ZMAT4: variants seen among roughly 807,000 people sequenced by gnomAD.
ZMAT4 encodes zinc finger matrin-type 4.
ZMAT4 carries 17 observed loss-of-function variants against 28.7 expected under a neutral mutation model. The ratio of observed to expected loss-of-function variants is 0.59; its 90% CI spans 0.41 to 0.89. The LOEUF is 0.89. Among genes scored for constraint, ZMAT4 ranks in the 40% least tolerant of loss-of-function variants. The pLI is 0.00. For missense variants in ZMAT4, 240 were observed against 283.8 expected, an observed-to-expected ratio of 0.85 and a Z score of 1.11; for synonymous variants, 117 against 109.2, an observed-to-expected ratio of 1.07 and a Z score of -0.44.
At chr8:40,676,454 A>C (rs1808914021) in intron 4 of ZMAT4, among the ~76,000 whole-genome samples, 1 of 152,164 alleles carries the variant, frequency 6.6e-6, no homozygotes, top group Non-Finnish European at 1.5e-5. Context: ...GAGATGTAGG[A>C]TGCAGCTGGC....
intron 2 of ZMAT4, among the ~76,000 whole-genome samples, chr8:40,795,467 A>AAATTT (rs1453974586): frequency 6.6e-6 from 1 of 152,194 alleles, no homozygotes; most frequent in Non-Finnish European, 1.5e-5. Flanking sequence ...TTAAGTCCAG[A>AAATTT]ATTTACAGTT....
At chr8:40,551,820 T>C (rs989136060) in intron 6 of ZMAT4, among the ~76,000 whole-genome samples, 2 of 152,168 alleles carry the variant, frequency 1.3e-5, no homozygotes, top group East Asian at 1.9e-4. Flanking sequence ...GAAATGAAAG[T>C]TGTGGCATGA....
intron 1 of ZMAT4, among the ~76,000 whole-genome samples, chr8:40,856,957 G>A (rs1817320970): frequency 6.6e-6 from 1 of 152,160 alleles, no homozygotes; most frequent in Non-Finnish European, 1.5e-5. Flanking sequence ...GGCAAGCTCT[G>A]CTGTGAAGAA....
chr8:40,701,185 T>C (rs1810128816), intron 3 of ZMAT4, among the ~76,000 whole-genome samples: 1 of 152,238 alleles, frequency 6.6e-6, no homozygotes, highest in Non-Finnish European at 1.5e-5. Context: ...TTTTAATATA[T>C]ATTCCTAGAT....
chr8:40,565,465 C>T (rs772601149), intron 6 of ZMAT4, among the ~76,000 whole-genome samples: 3 of 149,898 alleles, frequency 2.0e-5, no homozygotes, highest in Non-Finnish European at 4.4e-5. Context: ...CAACCCCCGC[C>T]TCCCAGATTC....
At chr8:40,811,309 A>T (rs1461166740) in intron 2 of ZMAT4, among the ~76,000 whole-genome samples, 1 of 152,030 alleles carries the variant, frequency 6.6e-6, no homozygotes, top group Non-Finnish European at 1.5e-5. Context: ...CACAACTGTG[A>T]CCCCCAGACC....
chr8:40,788,248 G>A lies in ZMAT4; in HGVS notation c.103-20518C>T, dbSNP rs191066087. ...CTCTGCCAATTAATTCTACAACTTA[G>A]ATGAAATGAGCAAATTACCTGAAAA... On this transcript the variant is annotated intron_variant, in intron 2 of 6. Transcript: ENST00000297737. Among the ~76,000 whole-genome samples, 428 of 152,204 alleles carry A rather than the reference G, an allele frequency of 2.8e-3. 5 individuals are homozygous for A. The highest frequency in any genetic ancestry group is 1.3e-3 in the Non-Finnish European group (91 of 68,010).
At chr8:40,575,897 G>A (rs1228671535) in intron 6 of ZMAT4, among the ~76,000 whole-genome samples, 3 of 151,886 alleles carry the variant, frequency 2.0e-5, no homozygotes, top group Admixed American at 2.0e-4. Flanking sequence ...AATACAGATA[G>A]ACAATTCAAC....
At chr8:40,551,468 A>G (rs745661620) in intron 6 of ZMAT4, among the ~76,000 whole-genome samples, 1 of 152,186 alleles carries the variant, frequency 6.6e-6, no homozygotes, top group Non-Finnish European at 1.5e-5. Flanking sequence ...GTTATGCTTG[A>G]CTACTGTAGT....
At chr8:40,842,252 A>G (rs992653136) in intron 1 of ZMAT4, among the ~76,000 whole-genome samples, 2 of 152,168 alleles carry the variant, frequency 1.3e-5, no homozygotes, top group African/African-American at 4.8e-5. Context: ...ATACCCTCCC[A>G]TGGCCTCATC....
At chr8:40,739,009 G>C (rs943263879) in intron 3 of ZMAT4, among the ~76,000 whole-genome samples, 1 of 152,164 alleles carries the variant, frequency 6.6e-6, no homozygotes, top group Non-Finnish European at 1.5e-5. Flanking sequence ...GAACCCCTGA[G>C]TAAGCACACT....
chr8:40,744,282 CCAG>C (rs994870312), intron 3 of ZMAT4, among the ~76,000 whole-genome samples: 20 of 152,084 alleles, frequency 1.3e-4, no homozygotes, highest in African/African-American at 4.8e-4. Flanking sequence ...GTGTCCCTAG[CCAG>C]CAGAAGTCAA....
At chr8:40,890,299 C>T (rs574886799) in intron 1 of ZMAT4, among the ~76,000 whole-genome samples, 2 of 152,174 alleles carry the variant, frequency 1.3e-5, no homozygotes, top group South Asian at 4.2e-4. Context: ...GGATCCTTCT[C>T]CTATAGTTTA....
At chr8:40,690,013 C>G (rs1809590711) in intron 4 of ZMAT4, among the ~76,000 whole-genome samples, 1 of 152,072 alleles carries the variant, frequency 6.6e-6, no homozygotes, top group Non-Finnish European at 1.5e-5. Context: ...TTTATCCAAT[C>G]ACTGATCTCT....
At chr8:40,725,204 C>T (rs1811270377) in intron 3 of ZMAT4, among the ~76,000 whole-genome samples, 2 of 152,134 alleles carry the variant, frequency 1.3e-5, no homozygotes, top group Admixed American at 1.3e-4. Context: ...CTGGCATCAA[C>T]TTAAAAGCAT....
intron 5 of ZMAT4, among the ~76,000 whole-genome samples, chr8:40,632,464 T>TC (rs1806627838): frequency 1.3e-5 from 2 of 152,248 alleles, no homozygotes; most frequent in South Asian, 4.1e-4. Flanking sequence ...AGAGGATATG[T>TC]CCTTTCAGGA....
intron 3 of ZMAT4, among the ~76,000 whole-genome samples, chr8:40,753,556 G>T (rs757646655): frequency 5.9e-5 from 9 of 152,056 alleles, no homozygotes; most frequent in Non-Finnish European, 1.3e-4. Flanking sequence ...CACTATCCTT[G>T]TAAGTTCTGT....
At chr8:40,880,555 G>T (rs1818186296) in intron 1 of ZMAT4, among the ~76,000 whole-genome samples, 1 of 151,940 alleles carries the variant, frequency 6.6e-6, no homozygotes, top group African/African-American at 2.4e-5. Context: ...GTTATTGTTG[G>T]AATTCTTATT....
At chr8:40,816,583 A>T (rs1036821929) in intron 2 of ZMAT4, among the ~76,000 whole-genome samples, 2 of 152,118 alleles carry the variant, frequency 1.3e-5, no homozygotes, top group Non-Finnish European at 2.9e-5. Context: ...GTAGCAAAAT[A>T]CTGGCAAAAC....
Sources: gnomAD v4.1 joint callset for allele counts (sites outside exome capture counted in the v4.1 genomes callset) on GRCh38, gnomAD v4.1.1 for gene constraint, MANE v1.5 for transcripts, NCBI Gene and HGNC (gene_info 2026-07-23, HGNC 2026-07-21) for gene names.